The following GNL2 variants were observed in gnomAD, a reference collection of about 807,000 sequenced individuals.
GNL2 encodes G protein nucleolar 2, also known as nucleolar GTP-binding protein 2.
Under a neutral mutation model 92.3 loss-of-function variants are expected in GNL2, and 51 were observed. The ratio of observed to expected loss-of-function variants is 0.55; its 90% CI spans 0.44 to 0.70. The LOEUF (loss-of-function observed/expected upper bound fraction) is 0.70. Among genes scored for constraint, GNL2 ranks in the 30% least tolerant of loss-of-function variants. GNL2 has a pLI of 0.00. For synonymous variants in GNL2, 283 were observed against 300.6 expected (o/e 0.94, Z 0.61); for missense variants, 844 against 895.6 (o/e 0.94, Z 0.74).
At chr1:37,578,878 T>C (rs568383031) in intron 8 of GNL2, among the ~76,000 whole-genome samples, 2 of 152,216 alleles carry the variant, frequency 1.3e-5, no homozygotes, top group Admixed American at 6.5e-5. Flanking sequence ...TACTCTTAAA[T>C]ATAAATAGAG....
Position 37,593,832 on chromosome 1 carries a change from C to T in GNL2, c.79G>A (p.Ala27Thr). The T allele has an allele frequency of 1.2e-6, 2 of 1,613,344 alleles. No homozygotes were observed. The highest frequency in any genetic ancestry group is 8.5e-7 in the Non-Finnish European group (1 of 1,179,480). ...CGGTCCCTCATGTTTTGGCCTCCTG[C>T]TCCCTGCACTCGATCTACAAAAGGC... ...ASTNPDRVQG[A>T]GGQNMRDRAT... is the part of the protein sequence containing the mutation. The change falls in exon 2 of 16, where the codon GCA (alanine) becomes ACA (threonine). Residue 27 changes from alanine (A) to threonine (T), a missense_variant. By Grantham distance (58) the Ala-to-Thr change is moderately conservative. Coordinates refer to ENST00000373062, the MANE Select transcript of GNL2 (RefSeq NM_013285.3).
intron 2 of GNL2, 178 bp downstream of exon 2, chr1:37,593,584 A>G (rs1643901124): frequency 3.7e-6 from 2 of 539,446 alleles, no homozygotes; most frequent in South Asian, 2.6e-5. Flanking sequence ...CCAGCTACCC[A>G]TGTCCTTAAC....
At chr1:37,587,684 T>C (rs1256660133) in intron 4 of GNL2, among the ~76,000 whole-genome samples, 189 bp from the exon 5 acceptor site, 3 of 152,216 alleles carry the variant, frequency 2.0e-5, no homozygotes, top group Non-Finnish European at 4.4e-5. Context: ...CAAACACTGG[T>C]TCCCTTATTC....
intron 5 of GNL2, among the ~76,000 whole-genome samples, chr1:37,584,509 C>T (rs918726964): frequency 2.7e-5 from 4 of 147,062 alleles, no homozygotes; most frequent in Non-Finnish European, 6.0e-5. Context: ...TGCTACAACA[C>T]GAATGAACCT....
intron 12 of GNL2, among the ~76,000 whole-genome samples, chr1:37,573,200 A>G (rs778544203): frequency 2.0e-5 from 3 of 152,220 alleles, no homozygotes; most frequent in Non-Finnish European, 2.9e-5. Flanking sequence ...GAGAATGTCA[A>G]TTAACATCAG....
intron 12 of GNL2, among the ~76,000 whole-genome samples, chr1:37,573,445 G>A (rs1010309548): frequency 1.3e-5 from 2 of 152,238 alleles, no homozygotes; most frequent in Non-Finnish European, 2.9e-5. Context: ...GCGGCCCACT[G>A]CCAGGGTGAG....
rs771575366 is a variant in GNL2, at chr1:37,582,292, AG to A, written c.839del (p.Ala280ValfsTer47). On this transcript the variant is annotated frameshift_variant, in exon 8 of 16. Transcript: ENST00000373062. LOFTEE classifies it high-confidence loss of function. ...AVLSQDYPTL[A>X]FHASLTNPFG... ...ACGGGTTAGTAAGGCTTGCATGGAAAGCAAGTGTTGGATAATCCTGGGAGAG... is the reference window on the plus strand; with the variant it reads ...ACGGGTTAGTAAGGCTTGCATGGAAACAAGTGTTGGATAATCCTGGGAGAG... 6.2e-6 allele frequency: 10 copies of A among 1,613,608 alleles called. No homozygotes were observed. The highest frequency in any genetic ancestry group is 8.5e-6 in the Non-Finnish European group (10 of 1,179,818).
chr1:37,595,707 C>T (rs1018484375), intron 1 of GNL2, 52 bp downstream of exon 1: 2 of 1,501,088 alleles, frequency 1.3e-6, no homozygotes, highest in Non-Finnish European at 1.9e-6. Context: ...CCTCGGAGCC[C>T]TTCCCTATAC....
intron 8 of GNL2, among the ~76,000 whole-genome samples, 190 bp from the exon 9 acceptor site, chr1:37,576,746 G>A (rs190951209): frequency 6.6e-6 from 1 of 152,174 alleles, no homozygotes; most frequent in Non-Finnish European, 1.5e-5. Flanking sequence ...ATAAATCAGA[G>A]GTGAGTCATT....
At chr1:37,567,419 G>A (rs945735807) in intron 15 of GNL2, among the ~76,000 whole-genome samples, 5 of 152,154 alleles carry the variant, frequency 3.3e-5, no homozygotes, top group Admixed American at 3.3e-4. Flanking sequence ...GTTTCCCTTG[G>A]GACTAGAAAC....
intron 4 of GNL2, among the ~76,000 whole-genome samples, chr1:37,587,745 A>G (rs995640303): frequency 1.3e-5 from 2 of 152,254 alleles, no homozygotes; most frequent in Non-Finnish European, 2.9e-5. Flanking sequence ...ACAAATAATC[A>G]AAGTAAATAT....
chr1:37,568,920 A>C lies in GNL2; in HGVS notation c.1799T>G (p.Leu600Arg), dbSNP rs770384201. The C allele has an allele frequency of 2.5e-6, 4 of 1,614,168 alleles. No individual in the cohort carries two copies. In the South Asian group the frequency reaches 4.4e-5, roughly 18 times the overall value. Residue 600 changes from leucine (L) to arginine (R), a missense_variant, in exon 13 of 16, where the codon CTG becomes CGG. Coordinates refer to ENST00000373062, the MANE Select transcript of GNL2 (RefSeq NM_013285.3). Reference sequence around the variant, plus strand: ...CTGATATTTGGCAATCTTCTCATCCAGTGCTTTAATAACGGCTTTGGTGTC... The same window carrying C: ...CTGATATTTGGCAATCTTCTCATCCCGTGCTTTAATAACGGCTTTGGTGTC... ...GNDTKAVIKA[L>R]DEKIAKYQKF...
chr1:37,595,929 C>G lies in GNL2; in HGVS notation c.-107G>C, dbSNP rs1643921547. ...GACACCCGCCTGAACCACGCCGGAC[C>G]ACGTGTGCACGACGTACGTCACTTC... is the stretch of plus-strand genomic sequence containing the variant. On this transcript the variant is annotated 5_prime_UTR_variant, in exon 1 of 16. Transcript: ENST00000373062. 2.3e-6 allele frequency: 2 copies of G among 857,906 alleles called. No homozygotes were observed. The highest frequency in any genetic ancestry group is 2.8e-5 in the South Asian group (2 of 71,520). The allele number at this position is 857,906 out of a possible 1,614,324, so 53.1% of individuals were successfully genotyped here.
rs368436653 is a variant in GNL2 at position 37,587,298 on chromosome 1, A to G, written c.569+13T>C. 119 of 1,545,536 alleles carry G rather than the reference A, an allele frequency of 7.7e-5. No individual in the cohort carries two copies. Among genetic ancestry groups the G allele is most frequent in the Non-Finnish European group, 9.0e-5 (103 of 1,149,086 alleles). On this transcript the variant is annotated intron_variant, in intron 5 of 15. Transcript: ENST00000373062. ...AAAAAAACAAAAACAAAGAAGCAAA[A>G]AAAAAAATGTACCTCACACCAGTGT... is the stretch of plus-strand genomic sequence containing the variant.
Position 37,595,799 on chromosome 1 carries a change from TC to T in GNL2, c.23del (p.Gly8AspfsTer25). On this transcript the variant is annotated frameshift_variant, in exon 1 of 16. Coordinates refer to ENST00000373062, the MANE Select transcript of GNL2 (RefSeq NM_013285.3). LOFTEE classifies it high-confidence loss of function. MVKPKYKGRSTINPSKAS... is the reference protein window; with the variant it reads MVKPKYKXRSTINPSKAS... The stretch of plus-strand genomic sequence containing the variant: ...CCTTGGACGGGTTGATGGTGCTCCG[TC>T]CTTTGTACTTGGGCTTCACCATCTT... 1 of 1,614,166 alleles carries T rather than the reference TC, an allele frequency of 6.2e-7. No homozygotes were observed. Among genetic ancestry groups the T allele is most frequent in the Non-Finnish European group, 8.5e-7 (1 of 1,180,024 alleles).
intron 2 of GNL2, among the ~76,000 whole-genome samples, chr1:37,593,087 A>C (rs78529253): frequency 2.0e-5 from 3 of 152,310 alleles, no homozygotes; most frequent in East Asian, 1.9e-4. Context: ...TAAAAAAAAA[A>C]CACATACATA....
intron 12 of GNL2, among the ~76,000 whole-genome samples, chr1:37,571,141 A>T (rs1643587916): frequency 6.6e-6 from 1 of 152,242 alleles, no homozygotes; most frequent in South Asian, 2.1e-4. Flanking sequence ...AGAGTAAGGC[A>T]TATGAGAGTG....
chr1:37,584,014 A>C (rs1643813355), intron 5 of GNL2, 81 bp from the exon 6 acceptor site: 1 of 811,568 alleles, frequency 1.2e-6, no homozygotes, highest in African/African-American at 1.7e-5. Flanking sequence ...TCAATGTACC[A>C]AAAAAAACAG....
intron 1 of GNL2, 98 bp from the exon 2 acceptor site, chr1:37,593,944 G>A (rs1643905468): frequency 5.0e-6 from 4 of 807,410 alleles, no homozygotes; most frequent in Non-Finnish European, 7.9e-6. Flanking sequence ...ACCCAAATTA[G>A]GTAAGAAGCC....
Sources: allele counts gnomAD v4.1 joint callset (sites outside exome capture counted in the v4.1 genomes callset), GRCh38; gene constraint gnomAD v4.1.1; transcripts MANE v1.5; gene names NCBI Gene and HGNC (gene_info 2026-07-23, HGNC 2026-07-21).